ASB11: variants seen among roughly 807,000 people sequenced by gnomAD.
The protein encoded by ASB11 is ankyrin repeat and SOCS box containing 11, also known as ankyrin repeat and SOCS box protein 11.
In ASB11, 17 loss-of-function variants were observed where a neutral mutation model predicts 20.1. The observed-to-expected ratio is 0.85, with a 90% CI of 0.58 to 1.27. The LOEUF (loss-of-function observed/expected upper bound fraction) is 1.27. Ranked by LOEUF, ASB11 falls within the 50% of genes most tolerant of loss-of-function variation. The pLI, the probability that ASB11 is intolerant of heterozygous loss-of-function variation, is 0.00. For missense variants in ASB11, 259 were observed against 256.9 expected (o/e 1.01, Z -0.06); for synonymous variants, 107 against 105.6 (o/e 1.01, Z -0.08).
In ASB11 at chrX:15,287,939, A is replaced by G. The variant is rs766413011; in HGVS notation, c.789T>C (p.Ser263=). Residue 263 remains serine (S), a synonymous_variant, in exon 6 of 7, where the codon AGT becomes AGC. Coordinates refer to ENST00000480796, the MANE Select transcript of ASB11 (RefSeq NM_080873.3). ...NLKRRNAQGK[S]ALDLAAPKSS... The stretch of plus-strand genomic sequence containing the variant: ...TTTTTGGAGCCGCCAGATCAAGCGC[A>G]CTTTTGCCCTGAGCATTTCTACGCT... The G allele has an allele frequency of 2.5e-6, 3 of 1,210,292 alleles. No homozygotes were observed. In the African/African-American group the frequency reaches 5.2e-5, roughly 21 times the overall value.
chrX:15,296,267 G>GAAA (rs58628495), intron 3 of ASB11, among the ~76,000 whole-genome samples: 1 of 87,822 alleles, frequency 1.1e-5, no homozygotes, highest in Admixed American at 1.2e-4. Context: ...TAAAAAGATG[G>GAAA]AAAAAAAAAA....
intron 2 of ASB11, among the ~76,000 whole-genome samples, chrX:15,301,950 A>G (rs1372867677): frequency 9.0e-6 from 1 of 111,698 alleles, no homozygotes; most frequent in Non-Finnish European, 1.9e-5. Context: ...TCCCTTGTAT[A>G]ATCCCTGCCC....
At chrX:15,295,783 C>G (rs1920960055) in intron 3 of ASB11, among the ~76,000 whole-genome samples, 1 of 112,564 alleles carries the variant, frequency 8.9e-6, no homozygotes, top group Non-Finnish European at 1.9e-5. Flanking sequence ...TCTTATTCTT[C>G]TCTTTGTGCC....
Position 15,315,548 on chromosome X carries a change from T to A in ASB11, c.58A>T (p.Thr20Ser). 8.4e-7 allele frequency: 1 copy of A among 1,191,205 alleles called. No homozygotes were observed. Reference sequence around the variant, plus strand: ...ATTAAAAGCTTAAAGAAAAAAAACGTAGCAAACATTGTAATAAAAATGTTT... The same window carrying A: ...ATTAAAAGCTTAAAGAAAAAAAACGAAGCAAACATTGTAATAAAAATGTTT... ...FKNIFITMFA[T>S]FFFFKLLIKV... is the part of the protein sequence containing the mutation. Residue 20 changes from threonine to serine, a missense_variant, in exon 1 of 7, where the codon ACG becomes TCG. Coordinates refer to ENST00000480796, the MANE Select transcript of ASB11 (RefSeq NM_080873.3).
chrX:15,297,738 G>A, intron 2 of ASB11, 57 bp from the exon 3 acceptor site: 2 of 1,083,562 alleles, frequency 1.8e-6, no homozygotes, highest in Non-Finnish European at 2.5e-6. Context: ...GTCTCACTGT[G>A]TTGCCCAGGC....
chrX:15,314,462 C>T (rs780339174), intron 1 of ASB11: 2 of 1,201,297 alleles, frequency 1.7e-6, no homozygotes, highest in Non-Finnish European at 1.1e-6. Context: ...CAATTCTTCT[C>T]ATTTTCCCCA....
At chrX:15,284,184 G>T (rs768202492) in intron 6 of ASB11, among the ~76,000 whole-genome samples, 1 of 104,934 alleles carries the variant, frequency 9.5e-6, no homozygotes, top group Non-Finnish European at 2.0e-5. Context: ...CCCGGGAGGC[G>T]GAGCTTGCAG....
At chrX:15,289,334 C>G (rs1343699500) in intron 5 of ASB11, among the ~76,000 whole-genome samples, 170 bp downstream of exon 5, 1 of 112,587 alleles carries the variant, frequency 8.9e-6, no homozygotes, top group Non-Finnish European at 1.9e-5. Flanking sequence ...TCAAAGGAAG[C>G]AGGACTGAGA....
intron 1 of ASB11, among the ~76,000 whole-genome samples, chrX:15,313,670 T>C (rs1276353521): frequency 8.9e-6 from 1 of 111,924 alleles, no homozygotes; most frequent in Non-Finnish European, 1.9e-5. Context: ...ACGAACTGTA[T>C]TTAAGAGATT....
rs140626306 is a variant in ASB11, at chrX:15,314,374, T to C, written c.181+1051A>G. ...AACTAGTCAAAGTAACATACCTCCC[T>C]GAAATGTGTGACAAATATAATCCCC... On this transcript the variant is annotated intron_variant, in intron 1 of 6. Transcript: ENST00000480796. The C allele has an allele frequency of 1.3e-5, 15 of 1,159,358 alleles. No individual in the cohort carries two copies. The African/African-American group carries it at 2.8e-4, about 22-fold the overall frequency.
rs1353961974 is a variant in ASB11 at position 15,283,041 on chromosome X, T to C, written c.*464A>G. The C allele has an allele frequency of 4.6e-5, 5 of 107,991 alleles. No individual in the cohort carries two copies. The highest frequency in any genetic ancestry group is 9.4e-5 in the Non-Finnish European group (5 of 52,924). 8.9% of individuals were successfully genotyped at this position (107,991 alleles called of 1,213,427 possible). ...GTATATATATACAAAAAATCAAAATTATACCAGATTTATTCAAGGAAAGAA... is the reference window on the plus strand; with the variant it reads ...GTATATATATACAAAAAATCAAAATCATACCAGATTTATTCAAGGAAAGAA... On this transcript the variant is annotated 3_prime_UTR_variant, in exon 7 of 7. Transcript: ENST00000480796.
At chrX:15,289,480 C>G in intron 5 of ASB11, 24 bp downstream of exon 5, 1 of 1,170,398 alleles carries the variant, frequency 8.5e-7, no homozygotes, top group Non-Finnish European at 1.1e-6. Context: ...CAGGTTTCTT[C>G]ATGAAAATAA....
intron 2 of ASB11, among the ~76,000 whole-genome samples, chrX:15,298,735 G>A (rs1478256555): frequency 1.8e-5 from 2 of 111,409 alleles, no homozygotes; most frequent in Non-Finnish European, 3.8e-5. Context: ...AGATGATGGA[G>A]TGCAGACAAG....
At chrX:15,294,783 T>C (rs1920954119) in intron 3 of ASB11, among the ~76,000 whole-genome samples, 1 of 112,464 alleles carries the variant, frequency 8.9e-6, no homozygotes, top group Non-Finnish European at 1.9e-5. Context: ...ATATTTTTAC[T>C]AAAAAATATT....
At chrX:15,299,412 A>G (rs1921003625) in intron 2 of ASB11, among the ~76,000 whole-genome samples, 1 of 112,117 alleles carries the variant, frequency 8.9e-6, no homozygotes, top group Non-Finnish European at 1.9e-5. Context: ...CTGATTGGCA[A>G]TTGGTTGAAA....
intron 3 of ASB11, among the ~76,000 whole-genome samples, chrX:15,295,441 G>C (rs548791768): frequency 8.9e-6 from 1 of 112,262 alleles, no homozygotes; most frequent in Non-Finnish European, 1.9e-5. Flanking sequence ...AGTAAAATTA[G>C]CAGGAGTTTT....
rs1927226606 is a variant in ASB11 at position 15,282,972 on chromosome X, A to ATATACGTATATATATATACGTATATG, written c.*507_*532dup. ...TGAGTGCATGTGTGTGTGTGTATAT[A>ATATACGTATATATATATACGTATATG]TATACGTATATATATATACGTATAT... On this transcript the variant is annotated 3_prime_UTR_variant, in exon 7 of 7. Coordinates refer to ENST00000480796, the MANE Select transcript of ASB11 (RefSeq NM_080873.3). 1 of 103,372 alleles carries ATATACGTATATATATATACGTATATG rather than the reference A, an allele frequency of 9.7e-6. No homozygotes were observed. The highest frequency in any genetic ancestry group is 3.7e-5 in the African/African-American group (1 of 27,318). The allele number at this position is 103,372 out of a possible 1,213,427, so 8.5% of individuals were successfully genotyped here.
In ASB11 at chrX:15,283,397, A is replaced by G; in HGVS notation, c.*108T>C. 9.6e-7 allele frequency: 1 copy of G among 1,043,728 alleles called. No homozygotes were observed. The highest frequency in any genetic ancestry group is 1.3e-6 in the Non-Finnish European group (1 of 752,761). 86.0% of individuals were successfully genotyped at this position (1,043,728 alleles called of 1,213,427 possible). ...TGGGGGATTTACTTCGACTGAGCTC[A>G]TTTAAAGATACTAGGAGTCTAAGCT... On this transcript the variant is annotated 3_prime_UTR_variant, in exon 7 of 7. Coordinates refer to ENST00000480796, the MANE Select transcript of ASB11 (RefSeq NM_080873.3).
chrX:15,289,771 C>T, intron 4 of ASB11, 133 bp from the exon 5 acceptor site: 2 of 759,516 alleles, frequency 2.6e-6, no homozygotes, highest in Non-Finnish European at 1.9e-6. Flanking sequence ...CGCCTGTAAT[C>T]TCAGCTTTTT....
Sources: gnomAD v4.1 joint callset for allele counts (sites outside exome capture counted in the v4.1 genomes callset) on GRCh38, gnomAD v4.1.1 for gene constraint, MANE v1.5 for transcripts, NCBI Gene and HGNC (gene_info 2026-07-23, HGNC 2026-07-21) for gene names.